Variants in BCO2 observed in about 807,000 individuals in gnomAD.
The protein encoded by BCO2 is beta-carotene oxygenase 2, also known as carotenoid-cleaving dioxygenase, mitochondrial.
Under a neutral mutation model 65.8 loss-of-function variants are expected in BCO2, and 56 were observed. That is an observed-to-expected ratio of 0.85 (90% CI 0.69 to 1.06). The LOEUF is 1.06. Ranked by LOEUF, BCO2 falls within the 50% of genes least tolerant of loss-of-function variation. The pLI is 0.00. For missense variants in BCO2, 675 were observed against 698.5 expected (o/e 0.97, Z 0.38); for synonymous variants, 233 against 242.3 (o/e 0.96, Z 0.36).
At chr11:112,195,538 A>T in intron 5 of BCO2, among the ~76,000 whole-genome samples, 1 of 151,466 alleles carries the variant, frequency 6.6e-6, no homozygotes, top group East Asian at 1.9e-4. Flanking sequence ...CACCTCCCAG[A>T]TTCAAGTGAT....
intron 8 of BCO2, among the ~76,000 whole-genome samples, chr11:112,204,368 G>A (rs1034399097): frequency 5.3e-5 from 8 of 152,136 alleles, no homozygotes; most frequent in Non-Finnish European, 1.2e-4. Context: ...TACAATGAAC[G>A]TAAGAATGCA....
rs189501164 is a variant in BCO2 at position 112,215,396 on chromosome 11, G to A, written c.1515+452G>A. The A allele has an allele frequency of 7.1e-3, 1,186 of 167,890 alleles. 14 individuals are homozygous for A. The highest frequency in any genetic ancestry group is 0.018 in the Middle Eastern group (6 of 328). 10.4% of individuals were successfully genotyped at this position (167,890 alleles called of 1,614,324 possible). On this transcript the variant is annotated intron_variant, in intron 10 of 11. Coordinates refer to ENST00000357685, the MANE Select transcript of BCO2 (RefSeq NM_031938.7). ...TCTGTGTTGTTATAAAGAAATCCCC[G>A]AGGCTGGATAATTTATAAAGAAAAG...
chr11:112,212,685 G>T (rs1859544475), intron 8 of BCO2, among the ~76,000 whole-genome samples: 1 of 152,130 alleles, frequency 6.6e-6, no homozygotes, highest in Non-Finnish European at 1.5e-5. Context: ...AATGTTGTCT[G>T]CCAAAGAAAC....
chr11:112,197,535 A>G, intron 5 of BCO2, among the ~76,000 whole-genome samples: 1 of 141,040 alleles, frequency 7.1e-6, no homozygotes, highest in Non-Finnish European at 1.5e-5. Flanking sequence ...GTGACAGAGT[A>G]AGACCCTGTC....
intron 10 of BCO2, 116 bp downstream of exon 10, chr11:112,215,060 T>G (rs1859625861): frequency 8.9e-6 from 9 of 1,010,044 alleles, no homozygotes; most frequent in Non-Finnish European, 1.3e-5. Context: ...AGCTGAGCCA[T>G]TTTCTTTTAT....
At chr11:112,201,971 A>G in intron 7 of BCO2, 52 bp from the exon 8 acceptor site, 3 of 1,478,904 alleles carry the variant, frequency 2.0e-6, no homozygotes, top group Non-Finnish European at 2.7e-6. Context: ...GGAAAGGGAA[A>G]AAGAAGAAAA....
chr11:112,194,181 T>C, intron 4 of BCO2, 187 bp downstream of exon 4: 1 of 548,292 alleles, frequency 1.8e-6, no homozygotes, highest in South Asian at 2.2e-5. Context: ...TCCTTAAATA[T>C]AATTCTAAAC....
intron 2 of BCO2, among the ~76,000 whole-genome samples, chr11:112,190,100 A>G (rs1011203026): frequency 4.6e-5 from 7 of 151,874 alleles, no homozygotes; most frequent in Admixed American, 1.3e-4. Flanking sequence ...AGCCTGGGCA[A>G]CATAGTGAGA....
At chr11:112,181,627 TA>T in intron 2 of BCO2, 1 of 794,168 alleles carries the variant, frequency 1.3e-6, no homozygotes, top group Non-Finnish European at 2.3e-6. Context: ...ATTGAACACC[TA>T]AAAGTGGCAA....
chr11:112,202,957 G>A (rs1297481154), intron 8 of BCO2, among the ~76,000 whole-genome samples: 1 of 151,588 alleles, frequency 6.6e-6, no homozygotes, highest in Non-Finnish European at 1.5e-5. Context: ...GCCTCAGGCA[G>A]GAGTATCACT....
In BCO2 at chr11:112,217,819, C is replaced by CAG. The variant is rs1236377920; in HGVS notation, c.1688_1689dup (p.Val564ArgfsTer27). ...AAGAACTTTGAAGAGCTGGGCCGAGCAGAGGTACCTGTGCAGATGCCTTAT... is the reference window on the plus strand; with the variant it reads ...AAGAACTTTGAAGAGCTGGGCCGAGCAGAGAGGTACCTGTGCAGATGCCTTAT... On this transcript the variant is annotated frameshift_variant, in exon 12 of 12. Transcript: ENST00000357685. LOFTEE classifies it high-confidence loss of function. The CAG allele has an allele frequency of 6.2e-7, 1 of 1,614,170 alleles. No homozygotes were observed. The highest frequency in any genetic ancestry group is 1.7e-5 in the Admixed American group (1 of 60,032).
At chr11:112,210,565 G>A (rs1229524867) in intron 8 of BCO2, among the ~76,000 whole-genome samples, 1 of 152,076 alleles carries the variant, frequency 6.6e-6, no homozygotes, top group African/African-American at 2.4e-5. Context: ...TCAAACTTTT[G>A]TCACTCTAGC....
Position 112,199,793 on chromosome 11 carries a change from A to C in BCO2, c.831A>C (p.Thr277=), listed in dbSNP as rs1036547669. Reference sequence around the variant, plus strand: ...AGGTGATATGTTCTATTGCTTCTACAGAGAAAGGGAAACCTTCTTACTACC... The same window carrying C: ...AGGTGATATGTTCTATTGCTTCTACCGAGAAAGGGAAACCTTCTTACTACC... ...GVQVICSIAS[T]EKGKPSYYHS... Residue 277 remains threonine, a synonymous_variant, in exon 6 of 12, where the codon ACA becomes ACC. Coordinates refer to ENST00000357685, the MANE Select transcript of BCO2 (RefSeq NM_031938.7). 6.2e-7 allele frequency: 1 copy of C among 1,614,108 alleles called. No individual in the cohort carries two copies.
chr11:112,216,403 C>A, intron 11 of BCO2, 73 bp downstream of exon 11: 1 of 1,066,492 alleles, frequency 9.4e-7, no homozygotes, highest in Non-Finnish European at 1.4e-6. Flanking sequence ...AGGATGCACA[C>A]TCATCTGTCG....
intron 10 of BCO2, chr11:112,215,658 G>C (rs561113077): frequency 6.6e-6 from 1 of 150,978 alleles, no homozygotes; most frequent in Non-Finnish European, 1.5e-5. Flanking sequence ...GCAGTGAGCT[G>C]AAATTGCGCC....
intron 5 of BCO2, among the ~76,000 whole-genome samples, chr11:112,196,338 T>G (rs1012511041): frequency 6.6e-6 from 1 of 152,206 alleles, no homozygotes; most frequent in African/African-American, 2.4e-5. Flanking sequence ...TGCAGGGAGC[T>G]TGACTACTTG....
intron 2 of BCO2, chr11:112,181,343 G>C: frequency 1.9e-6 from 1 of 522,536 alleles, no homozygotes; most frequent in Non-Finnish European, 3.4e-6. Context: ...CACTACGCCC[G>C]GCTAATTTTT....
In BCO2 at chr11:112,182,939, A is replaced by C. The variant is rs1338846466; in HGVS notation, c.293+3457A>C. ...CTTCTGGTCTTAAAGCCAATTTAGA[A>C]GGTGTTAATCTGAAAGGTGTAGATA... On this transcript the variant is annotated intron_variant, in intron 2 of 11. Transcript: ENST00000357685. 4 of 1,266,940 alleles carry C rather than the reference A, an allele frequency of 3.2e-6. No homozygotes were observed. The East Asian group carries it at 6.9e-5, about 22-fold the overall frequency. 78.5% of individuals were successfully genotyped at this position (1,266,940 alleles called of 1,614,324 possible).
Position 112,179,399 on chromosome 11 carries a change from T to C in BCO2, c.210T>C (p.Ala70=). The C allele has an allele frequency of 6.2e-7, 1 of 1,614,182 alleles. No individual in the cohort carries two copies. The highest frequency in any genetic ancestry group is 1.1e-5 in the South Asian group (1 of 91,082). ...AAGAGGCTCCACGGGGCATCTCTGC[T>C]CGAGTCTGGGGACATTTTCCTAAGT... is the stretch of plus-strand genomic sequence containing the variant. ...TVEEAPRGIS[A]RVWGHFPKWL... is the part of the protein sequence containing the mutation. Residue 70 remains alanine, a synonymous_variant, in exon 2 of 12, where the codon GCT becomes GCC. Coordinates refer to ENST00000357685, the MANE Select transcript of BCO2 (RefSeq NM_031938.7).
Sources: gnomAD v4.1 joint callset for allele counts (sites outside exome capture counted in the v4.1 genomes callset) on GRCh38, gnomAD v4.1.1 for gene constraint, MANE v1.5 for transcripts, NCBI Gene and HGNC (gene_info 2026-07-23, HGNC 2026-07-21) for gene names.